ATG4A: variants seen among roughly 807,000 people sequenced by gnomAD.
The protein encoded by ATG4A is cysteine protease ATG4A.
ATG4A carries 22 observed loss-of-function variants against 38.4 expected under a neutral mutation model. The ratio of observed to expected loss-of-function variants is 0.57; its 90% CI spans 0.41 to 0.82. The LOEUF is 0.82. Ranked by LOEUF, ATG4A falls within the 40% of genes least tolerant of loss-of-function variation. ATG4A has a pLI of 0.00. For synonymous variants in ATG4A, 86 were observed against 100.7 expected (o/e 0.85, Z 0.88); for missense variants, 220 against 290.0 (o/e 0.76, Z 1.75).
intron 9 of ATG4A, among the ~76,000 whole-genome samples, chrX:108,145,168 GT>G (rs1277426867): frequency 6.4e-4 from 72 of 112,541 alleles, no homozygotes; most frequent in African/African-American, 2.0e-3. Context: ...GCATGCAAAT[GT>G]CTTACCAATA....
chrX:108,091,416 T>A (rs751060316), upstream of ATG4A: 1 of 1,210,987 alleles, frequency 8.3e-7, no homozygotes, highest in African/African-American at 1.7e-5. Flanking sequence ...CCTGGTCAGT[T>A]CTAGTAGCCA....
intron 9 of ATG4A, among the ~76,000 whole-genome samples, chrX:108,142,642 T>C (rs1228899085): frequency 3.6e-5 from 4 of 110,461 alleles, no homozygotes; most frequent in Admixed American, 1.9e-4. Flanking sequence ...ACTGAAGAAC[T>C]TGGAGTCTGA....
chrX:108,150,757 C>G (rs937700982), intron 10 of ATG4A, among the ~76,000 whole-genome samples: 1 of 112,052 alleles, frequency 8.9e-6, no homozygotes, highest in Admixed American at 9.4e-5. Context: ...AAACCACCCC[C>G]ATGATTCAGT....
At chrX:108,122,116 G>A (rs2032667843) in intron 1 of ATG4A, among the ~76,000 whole-genome samples, 1 of 112,077 alleles carries the variant, frequency 8.9e-6, no homozygotes, top group Non-Finnish European at 1.9e-5. Flanking sequence ...TTTAGCACAA[G>A]CTCCACAGAA....
upstream of ATG4A, chrX:108,091,493 C>T: frequency 1.6e-6 from 2 of 1,212,153 alleles, no homozygotes; most frequent in Admixed American, 4.3e-5. Flanking sequence ...AGGTTGCAGA[C>T]CATTAGGTTA....
At chrX:108,119,129 C>A (rs1051411625) in intron 1 of ATG4A, among the ~76,000 whole-genome samples, 1 of 111,578 alleles carries the variant, frequency 9.0e-6, no homozygotes, top group Non-Finnish European at 1.9e-5. Context: ...CCTCCTAACA[C>A]CCCATCCTGC....
chrX:108,153,675 T>G lies in ATG4A; in HGVS notation c.1160T>G (p.Phe387Cys). ...FIDSTEQLEE[F>C]DLEEDFEILS... Reference sequence around the variant, plus strand: ...GACTCTACTGAGCAACTGGAGGAGTTTGATCTGGAGGAAGATTTTGAGATT... The same window carrying G: ...GACTCTACTGAGCAACTGGAGGAGTGTGATCTGGAGGAAGATTTTGAGATT... The change falls in exon 13 of 13, where the codon TTT (phenylalanine) becomes TGT (cysteine). Residue 387 changes from phenylalanine (F) to cysteine (C), a missense_variant. This residue lies in a region of ATG4A where 159 missense variants were observed against 188.9 expected (regional missense o/e 0.84). Transcript: ENST00000372232. 2.5e-6 allele frequency: 3 copies of G among 1,209,995 alleles called. No homozygotes were observed. Among genetic ancestry groups the G allele is most frequent in the Non-Finnish European group, 3.4e-6 (3 of 894,036 alleles).
intron 2 of ATG4A, among the ~76,000 whole-genome samples, chrX:108,128,078 A>G (rs925190153): frequency 8.9e-6 from 1 of 112,316 alleles, no homozygotes; most frequent in African/African-American, 3.2e-5. Context: ...ACAGACACAC[A>G]TGCATCCACA....
chrX:108,142,525 T>C (rs781451706), intron 9 of ATG4A, among the ~76,000 whole-genome samples: 67 of 109,266 alleles, frequency 6.1e-4, no homozygotes, highest in Non-Finnish European at 8.8e-4. Flanking sequence ...CACACACACA[T>C]ATATATGTAA....
intron 1 of ATG4A, among the ~76,000 whole-genome samples, chrX:108,094,437 T>C (rs1290199331): frequency 9.0e-6 from 1 of 111,529 alleles, no homozygotes; most frequent in Admixed American, 9.5e-5. Context: ...TTCACTAGTT[T>C]ATCTCTAGAG....
At chrX:108,123,248 C>T (rs1187529206) in intron 1 of ATG4A, among the ~76,000 whole-genome samples, 1 of 112,107 alleles carries the variant, frequency 8.9e-6, no homozygotes, top group African/African-American at 3.2e-5. Flanking sequence ...AGATTTGTAG[C>T]TCTGCCTGTA....
At chrX:108,125,582 C>T (rs2032775503) in intron 1 of ATG4A, among the ~76,000 whole-genome samples, 2 of 112,086 alleles carry the variant, frequency 1.8e-5, no homozygotes, top group African/African-American at 6.5e-5. Context: ...AACATCTGGC[C>T]TTTCAGCTAA....
At chrX:108,136,776 C>T (rs1292731875) in intron 6 of ATG4A, among the ~76,000 whole-genome samples, 1 of 112,363 alleles carries the variant, frequency 8.9e-6, no homozygotes, top group Non-Finnish European at 1.9e-5. Context: ...TCTCTTGGGA[C>T]TTTGAGAGCA....
chrX:108,092,990 C>T (rs2031684848), intron 1 of ATG4A, among the ~76,000 whole-genome samples: 1 of 111,311 alleles, frequency 9.0e-6, no homozygotes, highest in Non-Finnish European at 1.9e-5. Context: ...TCAAAAATTT[C>T]AGAATAGTTG....
chrX:108,126,950 C>A, intron 2 of ATG4A: 1 of 309,432 alleles, frequency 3.2e-6, no homozygotes, highest in South Asian at 3.8e-5. Flanking sequence ...CAGGAAGAGG[C>A]TGATGAAAAG....
chrX:108,115,788 T>TA (rs758782630), intron 1 of ATG4A, among the ~76,000 whole-genome samples: 8 of 111,895 alleles, frequency 7.1e-5, no homozygotes, highest in Admixed American at 5.7e-4. Context: ...GTAGGTATGA[T>TA]AAAAAAAAGT....
rs781386674 is a variant in ATG4A at position 108,095,541 on chromosome X, T to A, written c.10+3705T>A. The stretch of plus-strand genomic sequence containing the variant: ...GTCCAGCTGAGATTTCATTTATTTC[T>A]TCTGGGTACTTAACTAGGAGTGGAA... On this transcript the variant is annotated intron_variant, in intron 1 of 12. Coordinates refer to ENST00000372232, the MANE Select transcript of ATG4A (RefSeq NM_052936.5). Among the ~76,000 whole-genome samples the A allele has an allele frequency of 4.5e-5, 5 of 111,444 alleles. No homozygotes were observed. In the South Asian group the frequency reaches 1.9e-3, roughly 43 times the overall value.
At chrX:108,131,488 A>G (rs1482493116) in intron 4 of ATG4A, 130 bp downstream of exon 4, 6 of 576,305 alleles carry the variant, frequency 1.0e-5, no homozygotes, top group Non-Finnish European at 1.4e-5. Flanking sequence ...TGCTCTCTGC[A>G]AGCTCAAGTG....
At chrX:108,092,061 C>T (rs2031649204) in intron 1 of ATG4A, among the ~76,000 whole-genome samples, 1 of 110,832 alleles carries the variant, frequency 9.0e-6, no homozygotes, top group Non-Finnish European at 1.9e-5. Flanking sequence ...TGTGGCTACC[C>T]TCCCCCTCCC....
Sources: allele counts gnomAD v4.1 joint callset (sites outside exome capture counted in the v4.1 genomes callset), GRCh38; gene constraint gnomAD v4.1.1; regional missense constraint gnomAD v4.1.1; transcripts MANE v1.5; gene names NCBI Gene and HGNC (gene_info 2026-07-23, HGNC 2026-07-21).